Variants in EML2 observed in about 807,000 individuals in gnomAD.
EML2 encodes EMAP like 2.
A neutral mutation model predicts 84.7 loss-of-function variants in EML2; 59 were observed. The ratio of observed to expected loss-of-function variants is 0.70; its 90% CI spans 0.56 to 0.86. The LOEUF (loss-of-function observed/expected upper bound fraction) is 0.86, where lower values mean the gene tolerates loss of function less well. Ranked by LOEUF, EML2 falls within the 40% of genes least tolerant of loss-of-function variation. The pLI, the probability that EML2 is intolerant of heterozygous loss-of-function variation, is 0.00. For missense variants in EML2, 818 were observed against 855.6 expected, an observed-to-expected ratio of 0.96 and a Z score of 0.55; for synonymous variants, 352 against 348.9, an observed-to-expected ratio of 1.01 and a Z score of -0.10.
chr19:45,625,893 T>A (rs541405182), intron 8 of EML2, among the ~76,000 whole-genome samples: 3 of 152,248 alleles, frequency 2.0e-5, no homozygotes, highest in Non-Finnish European at 4.4e-5. Context: ...TTTTTGTTTT[T>A]TTTGAGACAG....
At chr19:45,621,428 G>A in intron 10 of EML2, 55 bp downstream of exon 10, 2 of 1,584,328 alleles carry the variant, frequency 1.3e-6, no homozygotes, top group South Asian at 2.3e-5. Context: ...TGGGAGCCCT[G>A]GTGAGATCGG....
At chr19:45,630,108 A>C in intron 6 of EML2, 62 bp from the exon 7 acceptor site, 2 of 1,241,440 alleles carry the variant, frequency 1.6e-6, no homozygotes, top group East Asian at 2.3e-5. Flanking sequence ...TCCTCCCCCC[A>C]TGCCCACCAA....
At chr19:45,639,178 G>GC in intron 1 of EML2, 179 bp downstream of exon 1, 1 of 716,808 alleles carries the variant, frequency 1.4e-6, no homozygotes. Context: ...GCTCCCCAGC[G>GC]CCCCCCACCC....
At chr19:45,617,832 C>G (rs1428132118) in intron 12 of EML2, 135 bp from the exon 13 acceptor site, 2 of 631,270 alleles carry the variant, frequency 3.2e-6, no homozygotes, top group African/African-American at 3.7e-5. Context: ...GGGACACCCC[C>G]ACCCCAGACA....
chr19:45,637,655 TCTTTTTCTTTTC>T lies in EML2; in HGVS notation c.179+838_179+849del, dbSNP rs1568486565. On this transcript the variant is annotated intron_variant, in intron 3 of 18. Transcript: ENST00000245925. ...CCACCATGGCTGGCTATTTTTTTTT[TCTTTTTCTTTTC>T]TTTTTTTTTTTTTTTTTTTTTTTTT... is the stretch of plus-strand genomic sequence containing the variant. Among the ~76,000 whole-genome samples the T allele has an allele frequency of 3.2e-5, 3 of 92,448 alleles. 1 individual carries two copies. Among genetic ancestry groups the T allele is most frequent in the Non-Finnish European group, 5.3e-5 (2 of 38,002 alleles). 60.6% of individuals were successfully genotyped at this position (92,448 alleles called of 152,430 possible).
chr19:45,609,831 C>T (rs1444065738), intron 18 of EML2, 43 bp from the exon 19 acceptor site: 2 of 1,595,816 alleles, frequency 1.3e-6, no homozygotes, highest in African/African-American at 1.4e-5. Context: ...TCAGTGGGGA[C>T]AATGCCACCC....
intron 6 of EML2, 61 bp from the exon 7 acceptor site, chr19:45,630,107 C>G (rs572191300): frequency 2.4e-6 from 3 of 1,254,724 alleles, no homozygotes; most frequent in East Asian, 2.3e-5. Context: ...ATCCTCCCCC[C>G]ATGCCCACCA....
rs754449086 is a variant in EML2 at position 45,638,515 on chromosome 19, G to C, written c.169C>G (p.Leu57Val). ...CCAGCAAAAGGATACACCCACTCCA[G>C]CTTGAGCCGGCAAGAAGGCAGCTCC... ...RSELPSCRLK[L>V]EWVYGYRGRD... Residue 57 changes from leucine to valine, a missense_variant, in exon 3 of 19, where the codon CTG (leucine) becomes GTG (valine). By Grantham distance (32) the Leu-to-Val change is conservative (BLOSUM62 1). Transcript: ENST00000245925. The C allele has an allele frequency of 6.2e-7, 1 of 1,614,046 alleles. No homozygotes were observed. The highest frequency in any genetic ancestry group is 1.7e-5 in the Admixed American group (1 of 59,998).
chr19:45,639,362 T>C lies in EML2; in HGVS notation c.15A>G (p.Gly5=). The change falls in exon 1 of 19, where the codon GGA becomes GGG. Residue 5 remains glycine (G), a synonymous_variant. Coordinates refer to ENST00000245925, the MANE Select transcript of EML2 (RefSeq NM_012155.4). ...GGTCTGCGAAAGGGTCTCACCCAGC[T>C]CCAAAGCTACTCATGGCGGCGGGTG... MSSF[G]AGKTKEVIFS... The C allele has an allele frequency of 7.8e-7, 1 of 1,277,324 alleles. No homozygotes were observed. The highest frequency in any genetic ancestry group is 1.0e-6 in the Non-Finnish European group (1 of 1,004,016). 79.1% of individuals were successfully genotyped at this position (1,277,324 alleles called of 1,614,324 possible).
chr19:45,617,095 A>G (rs1971180214), intron 13 of EML2, among the ~76,000 whole-genome samples: 1 of 151,788 alleles, frequency 6.6e-6, no homozygotes, highest in Non-Finnish European at 1.5e-5. Context: ...AAAATACAAA[A>G]ATTAGCCAGG....
At chr19:45,615,715 T>C in intron 16 of EML2, 87 bp downstream of exon 16, 1 of 1,181,440 alleles carries the variant, frequency 8.5e-7, no homozygotes, top group Non-Finnish European at 1.3e-6. Context: ...GGAGCGAGGC[T>C]TGAAGCCCCT....
rs1369731641 is a variant in EML2 at position 45,631,760 on chromosome 19, T to C, written c.510+1101A>G. ...CTGCCATATCGCCCAAGTTGGAGTG[T>C]AGTGGCATGATCACAGTTCACTGCA... On this transcript the variant is annotated intron_variant, in intron 6 of 18. Transcript: ENST00000245925. Among the ~76,000 whole-genome samples the C allele has an allele frequency of 2.0e-5, 3 of 151,946 alleles. No individual in the cohort carries two copies. In the East Asian group the frequency reaches 5.8e-4, roughly 29 times the overall value.
intron 14 of EML2, 89 bp downstream of exon 14, chr19:45,616,676 C>A (rs1971116685): frequency 2.1e-6 from 3 of 1,429,276 alleles, no homozygotes; most frequent in South Asian, 2.4e-5. Flanking sequence ...CTAGGCCTCG[C>A]TTCGCAGGCT....
chr19:45,626,923 C>T lies in EML2; in HGVS notation c.607-84G>A, dbSNP rs1429870861. 2.9e-5 allele frequency: 40 copies of T among 1,362,710 alleles called. No homozygotes were observed. The South Asian group carries it at 3.5e-4, about 12-fold the overall frequency. 84.4% of individuals were successfully genotyped at this position (1,362,710 alleles called of 1,614,324 possible). On this transcript the variant is annotated intron_variant, in intron 7 of 18. Coordinates refer to ENST00000245925, the MANE Select transcript of EML2 (RefSeq NM_012155.4). Reference sequence around the variant, plus strand: ...CCGCCCCTCACAGGACTGCCCTAAACGGCTGTTTGTGTTGTATGCTGCACA... The same window carrying T: ...CCGCCCCTCACAGGACTGCCCTAAATGGCTGTTTGTGTTGTATGCTGCACA...
rs1464363873 is a variant in EML2, at chr19:45,619,848, C to T, written c.1123-657G>A. ...GGCAGGAAGATTGAGCTCAGGAGTC[C>T]GAGACCAGCCTGGGCAACATGGCAA... is the stretch of plus-strand genomic sequence containing the variant. On this transcript the variant is annotated intron_variant, in intron 11 of 18. Transcript: ENST00000245925. Among the ~76,000 whole-genome samples the T allele has an allele frequency of 7.2e-5, 11 of 151,956 alleles. No homozygotes were observed. The South Asian group carries it at 1.0e-3, about 14-fold the overall frequency.
intron 12 of EML2, 21 bp from the exon 13 acceptor site, chr19:45,617,718 G>A (rs1393296435): frequency 1.2e-6 from 2 of 1,611,328 alleles, no homozygotes; most frequent in Admixed American, 3.3e-5. Flanking sequence ...AGAGAGAAGA[G>A]GCAGGGCTCA....
intron 1 of EML2, 29 bp from the exon 2 acceptor site, chr19:45,638,902 G>A (rs778128090): frequency 2.7e-5 from 44 of 1,612,104 alleles, no homozygotes; most frequent in Middle Eastern, 1.6e-4. Flanking sequence ...GAAAAAAAAA[G>A]GGTCTTAGTA....
At position 45,637,470 on chromosome 19, in the gene EML2, ATTTTTTTT is replaced by A. The variant is rs66503218; in HGVS notation, c.179+1027_179+1034del. Among the ~76,000 whole-genome samples the A allele has an allele frequency of 8.8e-4, 89 of 101,634 alleles. 1 individual carries two copies. Among genetic ancestry groups the A allele is most frequent in the African/African-American group, 3.1e-3 (78 of 24,972 alleles). The allele number at this position is 101,634 out of a possible 152,430, so 66.7% of individuals were successfully genotyped here. ...GTAAGTGCTTGAGTTATTATTTTGG[ATTTTTTTT>A]TTTTTTTTTTTTTTTTTGAGAAAGG... On this transcript the variant is annotated intron_variant, in intron 3 of 18. Coordinates refer to ENST00000245925, the MANE Select transcript of EML2 (RefSeq NM_012155.4).
At chr19:45,616,894 G>C in intron 13 of EML2, 41 bp from the exon 14 acceptor site, 1 of 1,478,140 alleles carries the variant, frequency 6.8e-7, no homozygotes, top group Non-Finnish European at 9.4e-7. Context: ...GGGGTGAGCT[G>C]ATCTGACAGA....
Sources: allele counts gnomAD v4.1 joint callset (sites outside exome capture counted in the v4.1 genomes callset), GRCh38; gene constraint gnomAD v4.1.1; transcripts MANE v1.5; gene names NCBI Gene and HGNC (gene_info 2026-07-23, HGNC 2026-07-21).